The following TMEM184A variants were observed in gnomAD, a reference collection of about 807,000 sequenced individuals.
TMEM184A encodes transmembrane protein 184A, also known as sexually dimorphic, expressed in male gonads 1.
In TMEM184A, 40 loss-of-function variants were observed where a neutral mutation model predicts 39.5. The observed-to-expected ratio is 1.01, with a 90% CI of 0.79 to 1.32. The LOEUF (loss-of-function observed/expected upper bound fraction) is 1.32, where lower values mean the gene tolerates loss of function less well. Among genes scored for constraint, TMEM184A ranks in the 40% most tolerant of loss-of-function variants. TMEM184A has a pLI of 0.00. For synonymous variants in TMEM184A, 280 were observed against 252.3 expected (o/e 1.11, Z -1.04); for missense variants, 603 against 568.8 (o/e 1.06, Z -0.61).
In TMEM184A at chr7:1,555,673, CGAA is replaced by C. The variant is rs1778536582; in HGVS notation, c.1-192_1-190del. ...CCCTCCCTGCTCCGAGCTCAGCCAT[CGAA>C]GCTCACCCATCAACCACCTGCGACC... On this transcript the variant is annotated intron_variant, in intron 1 of 8. Coordinates refer to ENST00000297477, the MANE Select transcript of TMEM184A (RefSeq NM_001097620.2). This position sits in a 1 kb window ranked among gnomAD's most constrained non-coding sequence, Gnocchi z 5.2. 1 of 633,138 alleles carries C rather than the reference CGAA, an allele frequency of 1.6e-6. No individual in the cohort carries two copies. Among genetic ancestry groups the C allele is most frequent in the African/African-American group, 1.9e-5 (1 of 53,890 alleles). 39.2% of individuals were successfully genotyped at this position (633,138 alleles called of 1,614,324 possible). A position where few individuals can be genotyped will look rare whatever the true frequency, so the allele number is the denominator to read the frequency against.
intron 2 of TMEM184A, among the ~76,000 whole-genome samples, chr7:1,551,234 C>G (rs1784583069): frequency 1.6e-5 from 2 of 126,708 alleles, no homozygotes; most frequent in Non-Finnish European, 3.3e-5. Context: ...GGTACCCCTG[C>G]ACCAGCCCAG....
intron 7 of TMEM184A, 91 bp from the exon 8 acceptor site, chr7:1,548,030 G>C: frequency 7.2e-7 from 1 of 1,397,956 alleles, no homozygotes; most frequent in South Asian, 1.3e-5. Flanking sequence ...CCTCTGACGG[G>C]TGCTGTGACC....
rs1784368241 is a variant in TMEM184A, at chr7:1,546,956, A to G, written c.1238T>C (p.Leu413Pro). The change falls in exon 9 of 9, where the codon CTG becomes CCG. Residue 413 changes from leucine to proline, a missense_variant. Physicochemically the swap from Leu to Pro is moderately conservative, Grantham distance 98. Coordinates refer to ENST00000297477, the MANE Select transcript of TMEM184A (RefSeq NM_001097620.2). ...EKRMLIPSED[L>P] ...GCACTGGCAGCCCAGGCCCCCCTACAGGTCCTCCGAGGGGATCAGCATCCG... is the reference window on the plus strand; with the variant it reads ...GCACTGGCAGCCCAGGCCCCCCTACGGGTCCTCCGAGGGGATCAGCATCCG... 6.4e-6 allele frequency: 10 copies of G among 1,567,190 alleles called. No individual in the cohort carries two copies. The highest frequency in any genetic ancestry group is 2.3e-5 in the East Asian group (1 of 44,314).
intron 7 of TMEM184A, 139 bp from the exon 8 acceptor site, chr7:1,548,078 G>A: frequency 1.0e-6 from 1 of 999,346 alleles, no homozygotes; most frequent in East Asian, 2.6e-5. Context: ...GGAGACTGAG[G>A]TTCAGGGGGG....
In TMEM184A at chr7:1,547,795, A is replaced by G; in HGVS notation, c.959T>C (p.Leu320Pro). 6.2e-7 allele frequency: 1 copy of G among 1,612,986 alleles called. No homozygotes were observed. Among genetic ancestry groups the G allele is most frequent in the South Asian group, 1.1e-5 (1 of 91,058 alleles). ...CVEMLFASVA[L>P]RYAFPCQVYA... ...CACCTGGCAGGGGAAGGCATAACGC[A>G]GGGCCACGGAGGCGAACAGCATCTC... Residue 320 changes from leucine to proline, a missense_variant, in exon 8 of 9, where the codon CTG becomes CCG. Transcript: ENST00000297477.
At position 1,547,798 on chromosome 7, in the gene TMEM184A, G is replaced by A; in HGVS notation, c.956C>T (p.Ala319Val). Residue 319 changes from alanine (A) to valine (V), a missense_variant, in exon 8 of 9, where the codon GCC (alanine) becomes GTC (valine). Physicochemically the swap from Ala to Val is moderately conservative, Grantham distance 64. Coordinates refer to ENST00000297477, the MANE Select transcript of TMEM184A (RefSeq NM_001097620.2). ...CTGGCAGGGGAAGGCATAACGCAGG[G>A]CCACGGAGGCGAACAGCATCTCCAC... ...ICVEMLFASV[A>V]LRYAFPCQVY... 1 of 1,612,960 alleles carries A rather than the reference G, an allele frequency of 6.2e-7. No homozygotes were observed. The highest frequency in any genetic ancestry group is 8.5e-7 in the Non-Finnish European group (1 of 1,179,874).
chr7:1,552,429 C>T (rs1000028094), intron 2 of TMEM184A, among the ~76,000 whole-genome samples: 1 of 151,344 alleles, frequency 6.6e-6, no homozygotes, highest in Non-Finnish European at 1.5e-5. Flanking sequence ...GCGGGGAGGA[C>T]ATGTAAAATG....
rs1778542402 is a variant in TMEM184A, at chr7:1,555,846, A to T, written c.-1+268T>A. On this transcript the variant is annotated intron_variant, in intron 1 of 8. Coordinates refer to ENST00000297477, the MANE Select transcript of TMEM184A (RefSeq NM_001097620.2). The surrounding 1 kb of genome is among the most constrained non-coding windows in gnomAD (Gnocchi z 5.2). ...ACCCCTGCCGCCCTGCCTGCCCGGGAGGGCTGGGGAGCGGGCGCAGACCAG... is the reference window on the plus strand; with the variant it reads ...ACCCCTGCCGCCCTGCCTGCCCGGGTGGGCTGGGGAGCGGGCGCAGACCAG... The T allele has an allele frequency of 3.1e-6, 1 of 323,846 alleles. No homozygotes were observed. Among genetic ancestry groups the T allele is most frequent in the African/African-American group, 2.2e-5 (1 of 44,676 alleles). 20.1% of individuals were successfully genotyped at this position (323,846 alleles called of 1,614,324 possible). A position where few individuals can be genotyped will look rare whatever the true frequency, so the allele number is the denominator to read the frequency against.
intron 2 of TMEM184A, among the ~76,000 whole-genome samples, chr7:1,554,982 A>C (rs1778496281): frequency 6.6e-6 from 1 of 152,106 alleles, no homozygotes; most frequent in African/African-American, 2.4e-5. Flanking sequence ...TTGTCTGTGA[A>C]ATGGGACCAC....
intron 8 of TMEM184A, 82 bp downstream of exon 8, chr7:1,547,660 C>A: frequency 6.9e-7 from 1 of 1,440,412 alleles, no homozygotes; most frequent in Non-Finnish European, 9.6e-7. Flanking sequence ...ATTCCTGGGC[C>A]TCGAGAATGG....
intron 6 of TMEM184A, chr7:1,549,110 C>T (rs887616770): frequency 2.1e-5 from 10 of 470,040 alleles, no homozygotes; most frequent in Admixed American, 4.7e-5. Context: ...GCATGTATGT[C>T]GTGTGCACAC....
intron 8 of TMEM184A, 138 bp downstream of exon 8, chr7:1,547,604 C>G (rs983493990): frequency 1.1e-6 from 1 of 899,928 alleles, no homozygotes; most frequent in East Asian, 2.6e-5. Flanking sequence ...AGGTGCCTGT[C>G]CGGAGCCGGA....
chr7:1,555,584 G>C lies in TMEM184A; in HGVS notation c.1-100C>G, dbSNP rs1562564203. On this transcript the variant is annotated intron_variant, in intron 1 of 8. Coordinates refer to ENST00000297477, the MANE Select transcript of TMEM184A (RefSeq NM_001097620.2). This position sits in a 1 kb window ranked among gnomAD's most constrained non-coding sequence, Gnocchi z 5.2. ...GGGGAGGGAGGAGACAGTGAGACGG[G>C]AGCTGAGGCTGAGCCACCCACCAGG... 8 of 907,728 alleles carry C rather than the reference G, an allele frequency of 8.8e-6. No homozygotes were observed. Among genetic ancestry groups the C allele is most frequent in the Non-Finnish European group, 1.4e-5 (8 of 569,284 alleles). The allele number at this position is 907,728 out of a possible 1,614,324, so 56.2% of individuals were successfully genotyped here. A position where few individuals can be genotyped will look rare whatever the true frequency, so the allele number is the denominator to read the frequency against.
rs549725231 is a variant in TMEM184A at position 1,549,685 on chromosome 7, C to T, written c.644+169G>A. 11 of 727,948 alleles carry T rather than the reference C, an allele frequency of 1.5e-5. 1 individual carries two copies. Among genetic ancestry groups the T allele is most frequent in the African/African-American group, 5.2e-5 (3 of 57,258 alleles). 45.1% of individuals were successfully genotyped at this position (727,948 alleles called of 1,614,324 possible). On this transcript the variant is annotated intron_variant, in intron 6 of 8. Transcript: ENST00000297477. The stretch of plus-strand genomic sequence containing the variant: ...GCCAGGCCTGCCTTGTTGGGCCCCA[C>T]CGCTGGGCCCCAGGGGACCCAGTGC...
In TMEM184A at chr7:1,547,776, G is replaced by A; in HGVS notation, c.978C>T (p.Cys326=). Residue 326 remains cysteine (C), a synonymous_variant, in exon 8 of 9, where the codon TGC becomes TGT. Coordinates refer to ENST00000297477, the MANE Select transcript of TMEM184A (RefSeq NM_001097620.2). ...ASVALRYAFP[C]QVYAEKKENS... Reference sequence around the variant, plus strand: ...TCTCCTTCTTCTCTGCGTACACCTGGCAGGGGAAGGCATAACGCAGGGCCA... The same window carrying A: ...TCTCCTTCTTCTCTGCGTACACCTGACAGGGGAAGGCATAACGCAGGGCCA... The A allele has an allele frequency of 6.2e-7, 1 of 1,612,994 alleles. No individual in the cohort carries two copies. Among genetic ancestry groups the A allele is most frequent in the Non-Finnish European group, 8.5e-7 (1 of 1,179,878 alleles).
chr7:1,550,080 G>C lies in TMEM184A; in HGVS notation c.552+43C>G, dbSNP rs551457957. Reference sequence around the variant, plus strand: ...CTGGGCCGGCTAGGGCCCCTGACGGGCTTGGGTGGGAGGAGGGCGGGCAGG... The same window carrying C: ...CTGGGCCGGCTAGGGCCCCTGACGGCCTTGGGTGGGAGGAGGGCGGGCAGG... On this transcript the variant is annotated intron_variant, in intron 5 of 8. Coordinates refer to ENST00000297477, the MANE Select transcript of TMEM184A (RefSeq NM_001097620.2). 8.2e-6 allele frequency: 13 copies of C among 1,580,704 alleles called. No individual in the cohort carries two copies. In the Admixed American group the frequency reaches 1.4e-4, roughly 17 times the overall value.
intron 2 of TMEM184A, among the ~76,000 whole-genome samples, chr7:1,553,619 G>T (rs1256309933): frequency 2.0e-5 from 3 of 152,056 alleles, no homozygotes; most frequent in Non-Finnish European, 4.4e-5. Flanking sequence ...GCCGCTTGGG[G>T]TGCAGCTCAG....
intron 2 of TMEM184A, among the ~76,000 whole-genome samples, chr7:1,554,546 CCT>C (rs1462796301): frequency 6.6e-6 from 1 of 152,338 alleles, no homozygotes; most frequent in African/African-American, 2.4e-5. Flanking sequence ...ACCGCCCTGG[CCT>C]CTCTGTGTAT....
chr7:1,545,533 C>T lies in TMEM184A; in HGVS notation c.*1419G>A, dbSNP rs117257204. ...ACTGGAGCTTCCTGTCTGCTCTCCA[C>T]GCCCAGTGCCTGAGCCCCCCAGGCC... On this transcript the variant is annotated 3_prime_UTR_variant, in exon 9 of 9. Coordinates refer to ENST00000297477, the MANE Select transcript of TMEM184A (RefSeq NM_001097620.2). 1,995 of 152,902 alleles carry T rather than the reference C, an allele frequency of 0.013. 17 individuals are homozygous for T. Among genetic ancestry groups the T allele is most frequent in the Non-Finnish European group, 0.023 (1,561 of 68,234 alleles). The allele number at this position is 152,902 out of a possible 1,614,324, so 9.5% of individuals were successfully genotyped here. A position where few individuals can be genotyped will look rare whatever the true frequency, so the allele number is the denominator to read the frequency against.
Sources: gnomAD v4.1 joint callset for allele counts (sites outside exome capture counted in the v4.1 genomes callset) on GRCh38, gnomAD v4.1.1 for gene constraint, Gnocchi (gnomAD v3.1) non-coding constraint, MANE v1.5 for transcripts, NCBI Gene and HGNC (gene_info 2026-07-23, HGNC 2026-07-21) for gene names.